Variants in OCA2 observed in about 807,000 individuals in gnomAD.
The protein encoded by OCA2 is P protein.
Under a neutral mutation model 100.2 loss-of-function variants are expected in OCA2, and 77 were observed. The observed-to-expected ratio is 0.77, with a 90% CI of 0.64 to 0.93. OCA2 has a LOEUF of 0.93. OCA2 is among the 40% of genes least tolerant of loss of function. The pLI is 0.00. For missense variants in OCA2, 1,062 were observed against 1,089.1 expected (o/e 0.98, Z 0.35); for synonymous variants, 432 against 439.2 (o/e 0.98, Z 0.21).
chr15:27,936,065 G>GTACT (rs1169191044), intron 18 of OCA2, among the ~76,000 whole-genome samples: 1 of 152,198 alleles, frequency 6.6e-6, no homozygotes, highest in Non-Finnish European at 1.5e-5. Flanking sequence ...CTTTCATGAA[G>GTACT]TACTACATGA....
At chr15:27,893,185 T>A (rs1174412658) in intron 19 of OCA2, among the ~76,000 whole-genome samples, 3 of 152,226 alleles carry the variant, frequency 2.0e-5, no homozygotes, top group Non-Finnish European at 4.4e-5. Context: ...GATTTCATAT[T>A]AATATGGACA....
chr15:27,966,582 C>A, intron 15 of OCA2, 108 bp downstream of exon 15: 1 of 1,246,320 alleles, frequency 8.0e-7, no homozygotes, highest in Admixed American at 1.7e-5. Flanking sequence ...TGGTATTGAG[C>A]ATCCAGCAAC....
chr15:27,804,104 A>T (rs1220395896), intron 23 of OCA2, among the ~76,000 whole-genome samples: 3 of 152,112 alleles, frequency 2.0e-5, no homozygotes, highest in Non-Finnish European at 4.4e-5. Flanking sequence ...AAGACTGTTT[A>T]AAAAAATAAA....
intron 14 of OCA2, among the ~76,000 whole-genome samples, chr15:27,978,360 C>T (rs563344658): frequency 6.6e-6 from 1 of 152,274 alleles, no homozygotes; most frequent in South Asian, 2.1e-4. Flanking sequence ...TTTCTCTCTA[C>T]TTGTTCTTTC....
intron 2 of OCA2, among the ~76,000 whole-genome samples, chr15:28,061,316 C>T (rs577861538): frequency 6.6e-6 from 1 of 152,262 alleles, no homozygotes; most frequent in Middle Eastern, 3.4e-3. Flanking sequence ...ATACCTCTGT[C>T]CAGTCACTAA....
At chr15:27,857,025 G>A (rs1210918223) in intron 21 of OCA2, among the ~76,000 whole-genome samples, 1 of 152,116 alleles carries the variant, frequency 6.6e-6, no homozygotes. Context: ...AAAAACAATT[G>A]ACAGAAATCA....
chr15:27,862,795 G>T (rs531632066), intron 21 of OCA2, among the ~76,000 whole-genome samples: 1 of 152,112 alleles, frequency 6.6e-6, no homozygotes, highest in African/African-American at 2.4e-5. Flanking sequence ...TTTTAAGTTC[G>T]TATGTCAAAT....
rs79026797 is a variant in OCA2 at position 28,093,434 on chromosome 15, A to G, written c.-22+5790T>C. Among the ~76,000 whole-genome samples the G allele has an allele frequency of 3.4e-3, 523 of 152,128 alleles. 7 individuals are homozygous for G. Among genetic ancestry groups the G allele is most frequent in the African/African-American group, 0.012 (502 of 41,500 alleles). ...CTCAAAAAAAAAAAAAGAAAGAAAG[A>G]AAAAAGAAAACAGAGACAACACCGC... On this transcript the variant is annotated intron_variant, in intron 1 of 23. Transcript: ENST00000354638.
chr15:28,069,298 G>A lies in OCA2; in HGVS notation c.227+12350C>T, dbSNP rs868205999. Among the ~76,000 whole-genome samples, 3 of 148,878 alleles carry A rather than the reference G, an allele frequency of 2.0e-5. No homozygotes were observed. The Admixed American group carries it at 2.0e-4, about 10-fold the overall frequency. On this transcript the variant is annotated intron_variant, in intron 2 of 23. Coordinates refer to ENST00000354638, the MANE Select transcript of OCA2 (RefSeq NM_000275.3). ...CTATACAACAATAAAGTCCAAATGG[G>A]AGTGAAATGAAGAACACAATCCCAC...
At chr15:28,018,982 T>C (rs780096064) in intron 6 of OCA2, among the ~76,000 whole-genome samples, 3 of 152,232 alleles carry the variant, frequency 2.0e-5, no homozygotes, top group Non-Finnish European at 4.4e-5. Flanking sequence ...AGCTCAGCTG[T>C]TTCTTGTCAA....
chr15:27,922,992 G>A (rs939673850), intron 19 of OCA2, among the ~76,000 whole-genome samples: 6 of 152,036 alleles, frequency 3.9e-5, no homozygotes, highest in African/African-American at 1.5e-4. Flanking sequence ...AGGCCCCAGT[G>A]TGTGTTGTTC....
At chr15:27,790,515 T>C (rs1281892526) in intron 23 of OCA2, among the ~76,000 whole-genome samples, 1 of 152,188 alleles carries the variant, frequency 6.6e-6, no homozygotes, top group Non-Finnish European at 1.5e-5. Flanking sequence ...CAAAACATTA[T>C]GGTAGGTGGA....
chr15:28,079,479 A>T (rs937630864), intron 2 of OCA2, among the ~76,000 whole-genome samples: 2 of 152,064 alleles, frequency 1.3e-5, no homozygotes, highest in Non-Finnish European at 2.9e-5. Context: ...ACCTAGGGCC[A>T]TGTGGGCAAC....
chr15:28,097,844 G>T (rs755957899), intron 1 of OCA2, among the ~76,000 whole-genome samples: 9 of 152,178 alleles, frequency 5.9e-5, no homozygotes, highest in Non-Finnish European at 1.3e-4. Context: ...CAGTGGGAAG[G>T]CCTTGGCAGT....
chr15:27,755,603 A>G, intron 23 of OCA2, 131 bp from the exon 24 acceptor site: 1 of 720,602 alleles, frequency 1.4e-6, no homozygotes, highest in Non-Finnish European at 2.5e-6. Flanking sequence ...TTTTATTTCC[A>G]TAAATCAGGA....
chr15:27,770,257 C>T (rs995472846), intron 23 of OCA2, among the ~76,000 whole-genome samples: 2 of 152,212 alleles, frequency 1.3e-5, no homozygotes, highest in African/African-American at 2.4e-5. Context: ...GCGGGGTCCG[C>T]AGGCCTCCTG....
At chr15:27,821,075 C>T (rs1290657172) in intron 23 of OCA2, among the ~76,000 whole-genome samples, 3 of 152,012 alleles carry the variant, frequency 2.0e-5, no homozygotes, top group Non-Finnish European at 4.4e-5. Context: ...ACATTGATGC[C>T]TCAATGTCTT....
chr15:27,965,039 A>G (rs1474080873), intron 15 of OCA2, among the ~76,000 whole-genome samples: 1 of 152,202 alleles, frequency 6.6e-6, no homozygotes, highest in Non-Finnish European at 1.5e-5. Flanking sequence ...GCTTACTAAC[A>G]ACACAGAATT....
chr15:27,756,888 T>A (rs55676645), intron 23 of OCA2, among the ~76,000 whole-genome samples: 1 of 152,240 alleles, frequency 6.6e-6, no homozygotes, highest in South Asian at 2.1e-4. Context: ...TTTGCCGTGC[T>A]CCCAAGTGAG....
Sources: gnomAD v4.1 joint callset for allele counts (sites outside exome capture counted in the v4.1 genomes callset) on GRCh38, gnomAD v4.1.1 for gene constraint, MANE v1.5 for transcripts, NCBI Gene and HGNC (gene_info 2026-07-23, HGNC 2026-07-21) for gene names.